Variants in FBXO42 observed in about 807,000 individuals in gnomAD.
The protein encoded by FBXO42 is F-box only protein 42.
FBXO42 carries 12 observed loss-of-function variants against 71.7 expected under a neutral mutation model. The ratio of observed to expected loss-of-function variants is 0.17; its 90% CI spans 0.11 to 0.27. The LOEUF (loss-of-function observed/expected upper bound fraction) is 0.27, where lower values mean the gene tolerates loss of function less well. FBXO42 is among the 10% of genes least tolerant of loss of function. FBXO42 has a pLI of 1.00. For missense variants in FBXO42, 707 were observed against 911.9 expected, an observed-to-expected ratio of 0.78 and a Z score of 2.89; for synonymous variants, 325 against 327.5, an observed-to-expected ratio of 0.99 and a Z score of 0.08.
chr1:16,317,652 A>T (rs958964362), intron 1 of FBXO42, among the ~76,000 whole-genome samples: 4 of 152,006 alleles, frequency 2.6e-5, no homozygotes, highest in Non-Finnish European at 1.5e-5. Flanking sequence ...GGGCAGGCAC[A>T]GTGGCTCATG....
chr1:16,312,431 C>T (rs972811416), intron 2 of FBXO42, among the ~76,000 whole-genome samples: 2 of 152,056 alleles, frequency 1.3e-5, no homozygotes, highest in African/African-American at 4.8e-5. Context: ...AGGCTGTATA[C>T]TGTATGATTC....
intron 3 of FBXO42, 110 bp downstream of exon 3, chr1:16,305,693 G>A (rs61769833): frequency 0.097 from 86,781 of 892,572 alleles, 5,090 homozygotes; most frequent in Non-Finnish European, 0.13. Context: ...CAGCTTGGGT[G>A]ATAGAGTGAG....
At chr1:16,326,306 T>C (rs2082451074) in intron 1 of FBXO42, among the ~76,000 whole-genome samples, 1 of 151,632 alleles carries the variant, frequency 6.6e-6, no homozygotes. Flanking sequence ...TCCATCTGCC[T>C]GGGCCTCCCA....
At chr1:16,289,598 T>A (rs543799041) in intron 4 of FBXO42, among the ~76,000 whole-genome samples, 1 of 152,218 alleles carries the variant, frequency 6.6e-6, no homozygotes, top group African/African-American at 2.4e-5. Flanking sequence ...TAACATGTCC[T>A]TTTCTTTGCT....
intron 4 of FBXO42, among the ~76,000 whole-genome samples, chr1:16,258,754 T>C (rs1269648300): frequency 6.6e-6 from 1 of 151,996 alleles, no homozygotes; most frequent in East Asian, 1.9e-4. Context: ...TTATTAATCT[T>C]GAGACAGGGT....
chr1:16,279,744 G>C (rs1041949381), intron 4 of FBXO42, among the ~76,000 whole-genome samples: 1 of 151,954 alleles, frequency 6.6e-6, no homozygotes, highest in South Asian at 2.1e-4. Context: ...GAATTACAAG[G>C]CAGAGAAAAG....
intron 1 of FBXO42, among the ~76,000 whole-genome samples, chr1:16,328,033 T>A (rs2082465220): frequency 6.6e-6 from 1 of 152,122 alleles, no homozygotes; most frequent in African/African-American, 2.4e-5. Flanking sequence ...ATGATAGACA[T>A]ATCCAAGTCA....
chr1:16,284,994 A>C (rs1367278272), intron 4 of FBXO42, among the ~76,000 whole-genome samples: 1 of 151,708 alleles, frequency 6.6e-6, no homozygotes, highest in Non-Finnish European at 1.5e-5. Flanking sequence ...AACAAAAATA[A>C]AGTTAGCCGG....
chr1:16,336,337 A>G (rs4661361), intron 1 of FBXO42, among the ~76,000 whole-genome samples: 50,738 of 151,334 alleles, frequency 0.34, 8,948 homozygotes, highest in African/African-American at 0.4. Flanking sequence ...ATGATCCTTT[A>G]TTCTTGCTGC....
In FBXO42 at chr1:16,283,087, G is replaced by A. The variant is rs2081981751; in HGVS notation, c.502+11696C>T. Among the ~76,000 whole-genome samples, 3 of 152,210 alleles carry A rather than the reference G, an allele frequency of 2.0e-5. No homozygotes were observed. The East Asian group carries it at 5.8e-4, about 29-fold the overall frequency. Reference sequence around the variant, plus strand: ...CACAGTTTAGGTAAGCTTCTCAGGTGATCTGAATAAAGGTGATCTGTTATC... The same window carrying A: ...CACAGTTTAGGTAAGCTTCTCAGGTAATCTGAATAAAGGTGATCTGTTATC... On this transcript the variant is annotated intron_variant, in intron 4 of 9. Coordinates refer to ENST00000375592, the MANE Select transcript of FBXO42 (RefSeq NM_018994.3).
intron 3 of FBXO42, among the ~76,000 whole-genome samples, chr1:16,296,525 C>T (rs1191512192): frequency 6.6e-6 from 1 of 151,886 alleles, no homozygotes; most frequent in Non-Finnish European, 1.5e-5. Context: ...TGGCGCATGC[C>T]TGTAATCCCA....
intron 4 of FBXO42, among the ~76,000 whole-genome samples, chr1:16,290,009 G>A (rs949673862): frequency 2.0e-5 from 3 of 151,982 alleles, no homozygotes; most frequent in African/African-American, 4.8e-5. Flanking sequence ...TTTCTTTCCC[G>A]TTACAATATA....
At chr1:16,322,995 A>C (rs991523388) in intron 1 of FBXO42, among the ~76,000 whole-genome samples, 28 of 152,388 alleles carry the variant, frequency 1.8e-4, no homozygotes, top group Middle Eastern at 3.4e-3. Flanking sequence ...GTTTCTATTC[A>C]ACTAGACATC....
intron 4 of FBXO42, among the ~76,000 whole-genome samples, chr1:16,274,595 T>TG (rs1569843780): frequency 9.2e-6 from 1 of 109,204 alleles, no homozygotes; most frequent in African/African-American, 3.5e-5. Context: ...CCCGTTTTTT[T>TG]TTTTTTTTTT....
rs144647164 is a variant in FBXO42, at chr1:16,341,942, G to T, written c.-18+10313C>A. 4.8e-3 allele frequency among the ~76,000 whole-genome samples: 687 copies of T among 143,182 alleles called. 7 individuals are homozygous for T. The highest frequency in any genetic ancestry group is 0.017 in the African/African-American group (642 of 38,486). 93.9% of individuals were successfully genotyped at this position (143,182 alleles called of 152,430 possible). ...GCCAAGATCGCGTCATTGTACTCAA[G>T]CCTGGGCAACAAGAGAGAAATTCCG... On this transcript the variant is annotated intron_variant, in intron 1 of 9. Coordinates refer to ENST00000375592, the MANE Select transcript of FBXO42 (RefSeq NM_018994.3).
At chr1:16,257,087 C>T (rs1391646276) in intron 4 of FBXO42, among the ~76,000 whole-genome samples, 6 of 152,126 alleles carry the variant, frequency 3.9e-5, no homozygotes, top group Non-Finnish European at 8.8e-5. Context: ...TTCAAAGCAC[C>T]TAACATAATG....
In FBXO42 at chr1:16,252,269, C is replaced by T; in HGVS notation, c.1038+19G>A. Reference sequence around the variant, plus strand: ...ATTTAGGACCTGTCCTCCTGCTAGCCTGTCAGCTCCCTGCTTACCCGGCAA... The same window carrying T: ...ATTTAGGACCTGTCCTCCTGCTAGCTTGTCAGCTCCCTGCTTACCCGGCAA... On this transcript the variant is annotated intron_variant, in intron 9 of 9. Transcript: ENST00000375592. This position sits in a 1 kb window ranked among gnomAD's most constrained non-coding sequence, Gnocchi z 4.4. 6.3e-7 allele frequency: 1 copy of T among 1,582,286 alleles called. No individual in the cohort carries two copies. The highest frequency in any genetic ancestry group is 8.7e-7 in the Non-Finnish European group (1 of 1,151,164).
intron 3 of FBXO42, among the ~76,000 whole-genome samples, chr1:16,304,066 A>C (rs1435753662): frequency 3.3e-5 from 5 of 151,624 alleles, no homozygotes; most frequent in African/African-American, 1.2e-4. Flanking sequence ...TGGCCTCCCA[A>C]AGTGCTGGGA....
chr1:16,255,916 C>T, intron 5 of FBXO42, 95 bp from the exon 6 acceptor site: 1 of 812,408 alleles, frequency 1.2e-6, no homozygotes, highest in Non-Finnish European at 1.9e-6. Context: ...ATAATCCTAT[C>T]ACTTTCAGCA....
Sources: gnomAD v4.1 joint callset for allele counts (sites outside exome capture counted in the v4.1 genomes callset) on GRCh38, gnomAD v4.1.1 for gene constraint, Gnocchi (gnomAD v3.1) non-coding constraint, MANE v1.5 for transcripts, NCBI Gene and HGNC (gene_info 2026-07-23, HGNC 2026-07-21) for gene names.